Variants in PPARGC1A observed in about 807,000 individuals in gnomAD.
PPARGC1A encodes the protein PPARG coactivator 1 alpha, also known as peroxisome proliferator-activated receptor gamma coactivator 1-alpha.
A neutral mutation model predicts 88.7 loss-of-function variants in PPARGC1A; 25 were observed. The observed-to-expected ratio is 0.28, with a 90% confidence interval of 0.21 to 0.39. PPARGC1A has a LOEUF of 0.39. PPARGC1A is among the 10% of genes least tolerant of loss of function. PPARGC1A has a pLI of 1.00. For missense variants in PPARGC1A, 880 were observed against 968.7 expected (o/e 0.91, Z 1.22); for synonymous variants, 363 against 355.6 (o/e 1.02, Z -0.24).
chr4:24,282,884 C>T, the PPARGC1A span, among the ~76,000 whole-genome samples: 19 of 152,262 alleles, frequency 1.2e-4, no homozygotes, highest in African/African-American at 4.3e-4. Context: ...TTTATTATTC[C>T]TGAAGCGAGA....
the PPARGC1A span, among the ~76,000 whole-genome samples, chr4:24,375,630 T>C: frequency 6.6e-6 from 1 of 152,118 alleles, no homozygotes; most frequent in Non-Finnish European, 1.5e-5. Flanking sequence ...AGGCAGACGA[T>C]AGAGCTTATA....
At chr4:24,313,074 T>G in the PPARGC1A span, among the ~76,000 whole-genome samples, 2 of 152,178 alleles carry the variant, frequency 1.3e-5, no homozygotes, top group Non-Finnish European at 2.9e-5. Context: ...TTAAAAATGG[T>G]GTTTGAAAAC....
At chr4:23,931,310 G>C in the PPARGC1A span, among the ~76,000 whole-genome samples, 2 of 151,938 alleles carry the variant, frequency 1.3e-5, no homozygotes, top group Non-Finnish European at 2.9e-5. Flanking sequence ...TTGGCTAAGA[G>C]GACACAAAGG....
chr4:23,903,960 C>T (rs1213143003), upstream of PPARGC1A: 1 of 870,052 alleles, frequency 1.1e-6, no homozygotes, highest in African/African-American at 1.8e-5. Flanking sequence ...CATAAAGCCT[C>T]CTAGGTGCAG....
At chr4:24,048,973 T>C in the PPARGC1A span, among the ~76,000 whole-genome samples, 1 of 152,092 alleles carries the variant, frequency 6.6e-6, no homozygotes, top group Admixed American at 6.6e-5. Flanking sequence ...TTTGCACATG[T>C]CTTTACATAG....
the PPARGC1A span, among the ~76,000 whole-genome samples, chr4:23,968,748 C>T: frequency 1.3e-5 from 2 of 151,982 alleles, no homozygotes; most frequent in Admixed American, 6.6e-5. Flanking sequence ...AATCACATCT[C>T]TACTAAAAGT....
chr4:23,896,999 G>A (rs1718678928), intron 1 of PPARGC1A, among the ~76,000 whole-genome samples: 1 of 152,178 alleles, frequency 6.6e-6, no homozygotes, highest in Non-Finnish European at 1.5e-5. Context: ...CTGTGTAAAT[G>A]CTGCCATGTT....
the PPARGC1A span, among the ~76,000 whole-genome samples, chr4:24,157,956 T>C: frequency 6.6e-6 from 1 of 152,080 alleles, no homozygotes; most frequent in African/African-American, 2.4e-5. Flanking sequence ...CCCTTACCCT[T>C]CCAACACACA....
At chr4:24,470,277 G>GACAGACAC in the PPARGC1A span, among the ~76,000 whole-genome samples, 1 of 110,676 alleles carries the variant, frequency 9.0e-6, no homozygotes, top group African/African-American at 3.5e-5. This position sits in a 1 kb window ranked among gnomAD's most constrained non-coding sequence, Gnocchi z 5.8. Flanking sequence ...GACAGACACA[G>GACAGACAC]ACACACACAC....
chr4:23,947,374 T>TAC, the PPARGC1A span, among the ~76,000 whole-genome samples: 3 of 80,804 alleles, frequency 3.7e-5, no homozygotes, highest in Middle Eastern at 7.1e-3. Flanking sequence ...TATATATATA[T>TAC]ATATATATAT....
chr4:23,836,115 C>T (rs1412468858), intron 2 of PPARGC1A, among the ~76,000 whole-genome samples: 1 of 152,004 alleles, frequency 6.6e-6, no homozygotes, highest in Admixed American at 6.6e-5. Context: ...TACTATTTTA[C>T]AAAAAATATA....
chr4:24,323,542 C>A, the PPARGC1A span, among the ~76,000 whole-genome samples: 2 of 152,128 alleles, frequency 1.3e-5, no homozygotes, highest in South Asian at 4.1e-4. Flanking sequence ...CAGAGAACAA[C>A]CCCCTTTGAC....
At chr4:23,894,827 A>G (rs534045253), upstream of PPARGC1A, among the ~76,000 whole-genome samples, 2 of 152,272 alleles carry the variant, frequency 1.3e-5, no homozygotes, top group South Asian at 4.1e-4. Context: ...GGGTGGTTAA[A>G]ATCTGATTTT....
At chr4:24,461,220 C>T in the PPARGC1A span, among the ~76,000 whole-genome samples, 1 of 152,204 alleles carries the variant, frequency 6.6e-6, no homozygotes, top group Non-Finnish European at 1.5e-5. Context: ...CAATGGCCTG[C>T]CTAGGGCGGA....
chr4:24,459,453 A>C, the PPARGC1A span, among the ~76,000 whole-genome samples: 4 of 145,444 alleles, frequency 2.8e-5, no homozygotes, highest in Non-Finnish European at 1.5e-5. Flanking sequence ...TGGTGTAAAT[A>C]ATGAAAAAAA....
the PPARGC1A span, among the ~76,000 whole-genome samples, chr4:24,089,748 A>G: frequency 3.3e-5 from 5 of 152,026 alleles, no homozygotes; most frequent in East Asian, 9.8e-4. Flanking sequence ...TCCTGACCTC[A>G]ATCTGCCTGC....
At chr4:23,867,710 C>T (rs1427505539) in intron 2 of PPARGC1A, among the ~76,000 whole-genome samples, 1 of 152,130 alleles carries the variant, frequency 6.6e-6, no homozygotes, top group African/African-American at 2.4e-5. Flanking sequence ...GATCTGAATG[C>T]CTTGAGAAAT....
At chr4:24,417,605 TGG>T in the PPARGC1A span, among the ~76,000 whole-genome samples, 1 of 152,166 alleles carries the variant, frequency 6.6e-6, no homozygotes, top group African/African-American at 2.4e-5. Flanking sequence ...AGCAAAAGTC[TGG>T]AAACAACCCA....
the PPARGC1A span, among the ~76,000 whole-genome samples, chr4:24,086,231 T>C: frequency 2.0e-5 from 3 of 152,170 alleles, no homozygotes; most frequent in Non-Finnish European, 4.4e-5. Flanking sequence ...TTCAGATCTC[T>C]TTTCAGATGG....
Sources: gnomAD v4.1 joint callset for allele counts (sites outside exome capture counted in the v4.1 genomes callset) on GRCh38, gnomAD v4.1.1 for gene constraint, Gnocchi (gnomAD v3.1) non-coding constraint, MANE v1.5 for transcripts, NCBI Gene and HGNC (gene_info 2026-07-23, HGNC 2026-07-21) for gene names.